DMD: variants seen among roughly 807,000 people sequenced by gnomAD.
The protein encoded by DMD is mutant dystrophin.
DMD carries 63 observed loss-of-function variants against 330.1 expected under a neutral mutation model. The observed-to-expected ratio is 0.19, with a 90% CI of 0.16 to 0.24. DMD has a LOEUF of 0.24. Among genes scored for constraint, DMD ranks in the 10% least tolerant of loss-of-function variants. The pLI is 1.00. For synonymous variants in DMD, 1,223 were observed against 959.8 expected (o/e 1.27, Z -5.07); for missense variants, 3,344 against 2,684.1 (o/e 1.25, Z -5.43).
intron 2 of DMD, among the ~76,000 whole-genome samples, chrX:32,869,402 C>T (rs758936966): frequency 6.3e-5 from 7 of 110,723 alleles, no homozygotes; most frequent in East Asian, 2.9e-4. Context: ...GAGGCTGAGA[C>T]GGCTGAATTG....
At chrX:32,991,101 T>C (rs185988289) in intron 2 of DMD, among the ~76,000 whole-genome samples, 178 of 111,400 alleles carry the variant, frequency 1.6e-3, no homozygotes, top group African/African-American at 5.5e-3. Context: ...AGTATACAAA[T>C]GCAGTACGTT....
intron 11 of DMD, among the ~76,000 whole-genome samples, chrX:32,626,749 A>G (rs1480499546): frequency 9.6e-6 from 1 of 104,395 alleles, no homozygotes; most frequent in Non-Finnish European, 1.9e-5. Context: ...AACATGGCAC[A>G]TGTATACCTA....
intron 25 of DMD, among the ~76,000 whole-genome samples, chrX:32,462,820 A>C (rs778276508): frequency 3.6e-5 from 4 of 110,702 alleles, no homozygotes; most frequent in Admixed American, 9.7e-5. Flanking sequence ...TTAGCCAGGC[A>C]TGGTGGCACA....
chrX:33,251,119 C>T (rs2052765551), intron 1 of DMD, among the ~76,000 whole-genome samples: 2 of 110,022 alleles, frequency 1.8e-5, no homozygotes, highest in African/African-American at 6.6e-5. Context: ...TATTGTGTGC[C>T]CTCTTGAATG....
At chrX:32,093,514 T>A (rs981855654) in intron 44 of DMD, among the ~76,000 whole-genome samples, 13 of 112,171 alleles carry the variant, frequency 1.2e-4, no homozygotes, top group Non-Finnish European at 2.3e-4. Context: ...AATATGTTAA[T>A]TATTTTGTCG....
chrX:33,209,309 A>C (rs1297273532), intron 1 of DMD, among the ~76,000 whole-genome samples: 1 of 111,548 alleles, frequency 9.0e-6, no homozygotes, highest in African/African-American at 3.2e-5. Context: ...TTTCGTAGTT[A>C]AGATGTCTTT....
At chrX:31,208,696 A>G (rs190113460) in intron 65 of DMD, among the ~76,000 whole-genome samples, 2 of 111,814 alleles carry the variant, frequency 1.8e-5, no homozygotes, top group East Asian at 5.6e-4. Context: ...TTGTTTTGCA[A>G]CTCTTTTCAG....
At chrX:32,764,243 T>G (rs1162546685) in intron 7 of DMD, among the ~76,000 whole-genome samples, 1 of 111,531 alleles carries the variant, frequency 9.0e-6, no homozygotes, top group East Asian at 2.8e-4. Context: ...CCAACACTTA[T>G]GAATCCAAAC....
intron 2 of DMD, among the ~76,000 whole-genome samples, chrX:33,004,794 G>T (rs1458414599): frequency 1.8e-5 from 2 of 110,755 alleles, no homozygotes; most frequent in African/African-American, 6.5e-5. Flanking sequence ...TTTCCTTTTG[G>T]GTTGTTCAGG....
chrX:31,649,575 C>A (rs1004564881), intron 54 of DMD, among the ~76,000 whole-genome samples: 1 of 108,500 alleles, frequency 9.2e-6, no homozygotes, highest in Non-Finnish European at 1.9e-5. Context: ...CTGTAGAATG[C>A]AGAGAATTTT....
intron 44 of DMD, among the ~76,000 whole-genome samples, chrX:32,038,000 C>T (rs752588637): frequency 2.4e-4 from 27 of 111,592 alleles, no homozygotes; most frequent in African/African-American, 5.9e-4. Context: ...TAGAACTGAC[C>T]GGACTGTGGC....
chrX:32,582,140 T>A (rs1264710223), intron 13 of DMD, among the ~76,000 whole-genome samples: 2 of 111,388 alleles, frequency 1.8e-5, no homozygotes, highest in Admixed American at 1.9e-4. Flanking sequence ...AATACTCCCA[T>A]TGTACTAGAG....
At chrX:31,413,095 T>C (rs1465697899) in intron 60 of DMD, among the ~76,000 whole-genome samples, 1 of 112,392 alleles carries the variant, frequency 8.9e-6, no homozygotes, top group African/African-American at 3.2e-5. Flanking sequence ...TTTTTCAGTG[T>C]TCTCATCATA....
chrX:32,279,674 G>T (rs1246193740), intron 43 of DMD, among the ~76,000 whole-genome samples: 7 of 41,650 alleles, frequency 1.7e-4, no homozygotes, highest in African/African-American at 2.7e-4. Flanking sequence ...GAAGGGTAGT[G>T]GGGGGGTTGA....
intron 43 of DMD, among the ~76,000 whole-genome samples, chrX:32,263,215 T>C (rs985346118): frequency 8.9e-6 from 1 of 112,307 alleles, no homozygotes; most frequent in Non-Finnish European, 1.9e-5. Context: ...TATCATTTCT[T>C]CAACTTACTG....
At chrX:31,373,776 T>C (rs1178200727) in intron 60 of DMD, among the ~76,000 whole-genome samples, 5 of 110,592 alleles carry the variant, frequency 4.5e-5, no homozygotes, top group East Asian at 2.8e-4. Context: ...ACTTCATGTC[T>C]ACAACACCAA....
chrX:32,554,687 G>T (rs1384485619), intron 16 of DMD, among the ~76,000 whole-genome samples: 2 of 106,437 alleles, frequency 1.9e-5, no homozygotes, highest in African/African-American at 6.8e-5. Context: ...TCTACTAGCG[G>T]TACAAAGAAG....
intron 30 of DMD, among the ~76,000 whole-genome samples, chrX:32,405,666 A>T (rs1259045831): frequency 9.0e-6 from 1 of 111,649 alleles, no homozygotes; most frequent in Non-Finnish European, 1.9e-5. Flanking sequence ...CTTGTAGTAT[A>T]CTTTGAAGTC....
chrX:31,622,796 C>G (rs1186615332), intron 55 of DMD, among the ~76,000 whole-genome samples: 1 of 102,959 alleles, frequency 9.7e-6, no homozygotes, highest in Admixed American at 1.1e-4. Flanking sequence ...CGACACATGG[C>G]AGGTGTTTAG....
Sources: allele counts gnomAD v4.1 joint callset (sites outside exome capture counted in the v4.1 genomes callset), GRCh38; gene constraint gnomAD v4.1.1; transcripts MANE v1.5; gene names NCBI Gene and HGNC (gene_info 2026-07-23, HGNC 2026-07-21).